The following STRADA variants were observed in gnomAD, a reference collection of about 807,000 sequenced individuals.
The protein encoded by STRADA is STE20-related kinase adapter protein alpha.
In STRADA, 26 loss-of-function variants were observed where a neutral mutation model predicts 55.0. That is an observed-to-expected ratio of 0.47 (90% CI 0.35 to 0.66). The LOEUF is 0.66. Ranked by LOEUF, STRADA falls within the 30% of genes least tolerant of loss-of-function variation. STRADA has a pLI of 0.01. For synonymous variants in STRADA, 197 were observed against 210.9 expected (o/e 0.93, Z 0.57); for missense variants, 443 against 549.7 (o/e 0.81, Z 1.94).
At chr17:63,734,902 A>C (rs2038307590) in intron 1 of STRADA, among the ~76,000 whole-genome samples, 1 of 152,210 alleles carries the variant, frequency 6.6e-6, no homozygotes. Flanking sequence ...TCACACCTGT[A>C]ATCCCAACAT....
chr17:63,729,637 A>G (rs2037889007), intron 1 of STRADA, among the ~76,000 whole-genome samples: 1 of 151,688 alleles, frequency 6.6e-6, no homozygotes, highest in South Asian at 2.1e-4. Context: ...ATACACAAAA[A>G]AATTAGCCAG....
intron 1 of STRADA, among the ~76,000 whole-genome samples, chr17:63,740,141 T>TACACACAC (rs1390181125): frequency 1.7e-4 from 7 of 41,578 alleles, no homozygotes; most frequent in African/African-American, 8.1e-4. Flanking sequence ...CATACATATA[T>TACACACAC]ATATATACAC....
At chr17:63,719,347 C>T (rs1383590692) in intron 4 of STRADA, among the ~76,000 whole-genome samples, 2 of 152,202 alleles carry the variant, frequency 1.3e-5, no homozygotes, top group Non-Finnish European at 2.9e-5. Context: ...GGTCTTCGTG[C>T]ATCTGCTCTC....
chr17:63,732,147 C>T (rs1308903744), intron 1 of STRADA, among the ~76,000 whole-genome samples: 4 of 151,446 alleles, frequency 2.6e-5, no homozygotes, highest in East Asian at 1.9e-4. Flanking sequence ...GGATTACAGG[C>T]GTGAGCCACC....
intron 1 of STRADA, among the ~76,000 whole-genome samples, chr17:63,736,473 C>T (rs1293243193): frequency 1.3e-5 from 2 of 151,544 alleles, no homozygotes; most frequent in African/African-American, 2.4e-5. Context: ...ACTAAAAATA[C>T]AATAATTAGC....
At chr17:63,704,726 T>TC in intron 10 of STRADA, 144 bp from the exon 11 acceptor site, 1 of 1,512,876 alleles carries the variant, frequency 6.6e-7, no homozygotes, top group Non-Finnish European at 8.8e-7. Flanking sequence ...GGAAGTGGAG[T>TC]AAGTCCAATT....
intron 1 of STRADA, among the ~76,000 whole-genome samples, chr17:63,729,172 C>G (rs1456813555): frequency 6.6e-6 from 1 of 152,142 alleles, no homozygotes; most frequent in African/African-American, 2.4e-5. Flanking sequence ...CGTGAGCCAC[C>G]ATGCACAGTG....
At chr17:63,705,658 A>C (rs569905984) in intron 10 of STRADA, 1 of 152,542 alleles carries the variant, frequency 6.6e-6, no homozygotes, top group Admixed American at 6.5e-5. Context: ...AGCCCTTCAC[A>C]ATGTACCCTT....
chr17:63,719,158 G>A (rs1405520702), intron 4 of STRADA: 2 of 152,196 alleles, frequency 1.3e-5, no homozygotes, highest in Non-Finnish European at 2.9e-5. Context: ...CTTTGGTAAC[G>A]GGTTCAGCAT....
At chr17:63,736,812 G>A (rs2038459670) in intron 1 of STRADA, among the ~76,000 whole-genome samples, 1 of 148,574 alleles carries the variant, frequency 6.7e-6, no homozygotes, top group African/African-American at 2.5e-5. Flanking sequence ...GGACAGGGTG[G>A]AAAGTGGCCT....
At chr17:63,723,019 A>T (rs1292513434) in intron 4 of STRADA, among the ~76,000 whole-genome samples, 1 of 151,958 alleles carries the variant, frequency 6.6e-6, no homozygotes, top group Non-Finnish European at 1.5e-5. Context: ...TTTTTGGGGG[A>T]AGGGGTGGCA....
At chr17:63,741,817 C>T (rs2038976659), upstream of STRADA, 1 of 153,186 alleles carries the variant, frequency 6.5e-6, no homozygotes, top group Non-Finnish European at 1.5e-5. Context: ...CGCCGCCAGA[C>T]CGGTTGCTGG....
intron 5 of STRADA, 51 bp downstream of exon 5, chr17:63,713,955 A>G (rs748791764): frequency 4.0e-6 from 6 of 1,490,588 alleles, no homozygotes; most frequent in East Asian, 2.3e-5. Flanking sequence ...AGAAAGCTGC[A>G]GCAGCCCCTG....
At position 63,711,834 on chromosome 17, in the gene STRADA, C is replaced by T. The variant is rs944306313; in HGVS notation, c.349-998G>A. 7.2e-5 allele frequency among the ~76,000 whole-genome samples: 11 copies of T among 152,162 alleles called. No individual in the cohort carries two copies. In the East Asian group the frequency reaches 2.1e-3, roughly 30 times the overall value. ...CCTTTAGTCCCAGCTACTCGGGAAGCTTAAGTGGTAGAATCACCTGTGCCT... is the reference window on the plus strand; with the variant it reads ...CCTTTAGTCCCAGCTACTCGGGAAGTTTAAGTGGTAGAATCACCTGTGCCT... On this transcript the variant is annotated intron_variant, in intron 6 of 12. Transcript: ENST00000336174.
intron 1 of STRADA, among the ~76,000 whole-genome samples, chr17:63,732,706 G>C (rs1306523513): frequency 6.6e-6 from 1 of 151,950 alleles, no homozygotes; most frequent in Non-Finnish European, 1.5e-5. Flanking sequence ...GAGGTGGGAG[G>C]ATACCTTGAA....
intron 1 of STRADA, among the ~76,000 whole-genome samples, chr17:63,739,223 C>A (rs897970323): frequency 6.6e-6 from 1 of 151,358 alleles, no homozygotes; most frequent in African/African-American, 2.4e-5. Context: ...TTCTTTATAG[C>A]CCCCTATACA....
chr17:63,739,780 A>ATTATATATGTACATATG (rs1192139059), intron 1 of STRADA, among the ~76,000 whole-genome samples: 1 of 140,630 alleles, frequency 7.1e-6, no homozygotes, highest in Admixed American at 7.3e-5. Flanking sequence ...ATGTACATAT[A>ATTATATATGTACATATG]TACATATAAT....
intron 4 of STRADA, among the ~76,000 whole-genome samples, chr17:63,722,448 C>G (rs2037378407): frequency 6.6e-6 from 1 of 152,176 alleles, no homozygotes; most frequent in South Asian, 2.1e-4. Flanking sequence ...AGAAAAATAG[C>G]TAACTGAGCC....
At position 63,709,864 on chromosome 17, in the gene STRADA, G is replaced by C. The variant is rs146333214; in HGVS notation, c.581+627C>G. 1.6e-3 allele frequency among the ~76,000 whole-genome samples: 241 copies of C among 152,202 alleles called. 2 individuals are homozygous for C. Among genetic ancestry groups the C allele is most frequent in the African/African-American group, 5.7e-3 (238 of 41,510 alleles). ...AGCATAAGACTGACTCTGGGGCACA[G>C]AAAGAAGGAGGCAGAGAGTGGAGTA... On this transcript the variant is annotated intron_variant, in intron 8 of 12. Coordinates refer to ENST00000336174, the MANE Select transcript of STRADA (RefSeq NM_001003787.4).
Sources: gnomAD v4.1 joint callset for allele counts (sites outside exome capture counted in the v4.1 genomes callset) on GRCh38, gnomAD v4.1.1 for gene constraint, MANE v1.5 for transcripts, NCBI Gene and HGNC (gene_info 2026-07-23, HGNC 2026-07-21) for gene names.